The following LEMD1 variants were observed in gnomAD, a reference collection of about 807,000 sequenced individuals.
LEMD1 encodes the protein LEM domain-containing protein 1.
Under a neutral mutation model 17.4 loss-of-function variants are expected in LEMD1, and 18 were observed. The ratio of observed to expected loss-of-function variants is 1.04; its 90% CI spans 0.72 to 1.54. The LOEUF (loss-of-function observed/expected upper bound fraction) is 1.54. LEMD1 is among the 40% of genes most tolerant of loss of function. LEMD1 has a pLI of 0.00. For synonymous variants in LEMD1, 88 were observed against 77.8 expected, an observed-to-expected ratio of 1.13 and a Z score of -0.69; for missense variants, 195 against 210.4, an observed-to-expected ratio of 0.93 and a Z score of 0.45.
chr1:205,388,153 T>C (rs1664130697), intron 4 of LEMD1, among the ~76,000 whole-genome samples: 1 of 152,060 alleles, frequency 6.6e-6, no homozygotes, highest in South Asian at 2.1e-4. Context: ...GTTCTGAACA[T>C]CTATTATCTT....
At chr1:205,424,494 A>T (rs1163760479), upstream of LEMD1, among the ~76,000 whole-genome samples, 3 of 152,178 alleles carry the variant, frequency 2.0e-5, no homozygotes, top group Admixed American at 6.5e-5. Flanking sequence ...GGTAGAGGAG[A>T]CTACAAAGAT....
intron 4 of LEMD1, among the ~76,000 whole-genome samples, chr1:205,414,496 C>T (rs1665601979): frequency 6.6e-6 from 1 of 151,800 alleles, no homozygotes; most frequent in African/African-American, 2.4e-5. Flanking sequence ...GTGATCATGG[C>T]TCACTGCAGC....
intron 4 of LEMD1, among the ~76,000 whole-genome samples, chr1:205,394,377 T>G (rs1664489226): frequency 6.6e-6 from 1 of 152,002 alleles, no homozygotes; most frequent in African/African-American, 2.4e-5. Flanking sequence ...TTTAATTAAT[T>G]AATTAATTAA....
chr1:205,429,780 TG>T (rs1466044871), intron 1 of LEMD1, among the ~76,000 whole-genome samples: 2 of 146,758 alleles, frequency 1.4e-5, no homozygotes, highest in African/African-American at 5.1e-5. Flanking sequence ...ATTTTGATGT[TG>T]GGGGGTGGGG....
In LEMD1 at chr1:205,448,039, A is replaced by C. The variant is rs998808560; in HGVS notation, c.-39+1829T>G. Among the ~76,000 whole-genome samples the C allele has an allele frequency of 7.9e-5, 12 of 152,102 alleles. No homozygotes were observed. Among genetic ancestry groups the C allele is most frequent in the African/African-American group, 2.9e-4 (12 of 41,402 alleles). On this transcript the variant is annotated intron_variant, in intron 1 of 3. Transcript: ENST00000367154. This position sits in a 1 kb window ranked among gnomAD's most constrained non-coding sequence, Gnocchi z 4.7. ...TAATTTGGCAAGGGGGAAGGAACCG[A>C]CTCAGAAAGCTCAGCACACCCTGAA...
intron 1 of LEMD1, among the ~76,000 whole-genome samples, chr1:205,429,890 C>A (rs1044645777): frequency 1.3e-5 from 2 of 152,094 alleles, no homozygotes; most frequent in African/African-American, 4.8e-5. Flanking sequence ...TGTCACCCAG[C>A]GAGGGCAGCC....
chr1:205,444,938 G>T (rs545974588), intron 1 of LEMD1, among the ~76,000 whole-genome samples: 1 of 150,884 alleles, frequency 6.6e-6, no homozygotes, highest in African/African-American at 2.5e-5. Context: ...ACCCAGTAAG[G>T]AGGGTGTGCC....
At chr1:205,440,581 G>A (rs889179266) in intron 1 of LEMD1, 1 of 152,286 alleles carries the variant, frequency 6.6e-6, no homozygotes, top group Non-Finnish European at 1.5e-5. Flanking sequence ...ACCCTGAGAA[G>A]AGTCCCCCGA....
intron 1 of LEMD1, chr1:205,437,181 G>C (rs1256533347): frequency 2.0e-5 from 3 of 152,530 alleles, no homozygotes; most frequent in South Asian, 4.1e-4. Flanking sequence ...AGGTGGGGTG[G>C]TTTGATCAGC....
chr1:205,439,598 C>T (rs1404758551), intron 1 of LEMD1, among the ~76,000 whole-genome samples: 11 of 152,220 alleles, frequency 7.2e-5, no homozygotes, highest in Non-Finnish European at 1.6e-4. Flanking sequence ...GGAGCCCTGA[C>T]TCTCCTATCT....
intron 4 of LEMD1, among the ~76,000 whole-genome samples, chr1:205,406,305 A>C (rs1212027500): frequency 2.0e-5 from 3 of 152,242 alleles, no homozygotes; most frequent in Non-Finnish European, 4.4e-5. Context: ...CCCTGCCCCC[A>C]GAGGTGGAGC....
chr1:205,428,738 A>T (rs2102451964), intron 1 of LEMD1, among the ~76,000 whole-genome samples: 1 of 152,314 alleles, frequency 6.6e-6, no homozygotes, highest in South Asian at 2.1e-4. Flanking sequence ...TGGAGAGCAA[A>T]GTGACAAAAG....
At chr1:205,415,097 C>T (rs751574695) in intron 4 of LEMD1, among the ~76,000 whole-genome samples, 60 of 152,008 alleles carry the variant, frequency 3.9e-4, no homozygotes, top group Non-Finnish European at 5.6e-4. Context: ...AAACCCAGGC[C>T]GCAGATGCAG....
At chr1:205,434,552 C>A (rs1203034342) in intron 1 of LEMD1, among the ~76,000 whole-genome samples, 2 of 151,960 alleles carry the variant, frequency 1.3e-5, no homozygotes, top group African/African-American at 4.8e-5. Context: ...CTTCCCTGTT[C>A]CCCACACCCA....
chr1:205,406,143 G>T lies in LEMD1; in HGVS notation c.270+10089C>A, dbSNP rs1385593322. 2.0e-5 allele frequency among the ~76,000 whole-genome samples: 3 copies of T among 152,204 alleles called. No homozygotes were observed. The South Asian group carries it at 6.2e-4, about 32-fold the overall frequency. On this transcript the variant is annotated intron_variant, in intron 4 of 5. Transcript: ENST00000367153. ...GGGGTGCCTCCCAGTTAGGCTGCTC[G>T]GGGGTCAGGGGTCAGGGACCCACTT...
At chr1:205,432,938 G>A (rs986646675) in intron 1 of LEMD1, among the ~76,000 whole-genome samples, 2 of 152,170 alleles carry the variant, frequency 1.3e-5, no homozygotes, top group African/African-American at 4.8e-5. Context: ...TTGAGCCTGG[G>A]AGGTTGAGGC....
chr1:205,441,350 T>C lies in LEMD1; in HGVS notation c.-39+8518A>G, dbSNP rs1465604299. ...GAATGCCCAGCTGCTGCCTCCTTTT[T>C]TCCCCTCCCACCCGCTCTGCCCCAC... On this transcript the variant is annotated intron_variant, in intron 1 of 3. Transcript: ENST00000367154. This position sits in a 1 kb window ranked among gnomAD's most constrained non-coding sequence, Gnocchi z 4.3. 6.6e-6 allele frequency among the ~76,000 whole-genome samples: 1 copy of C among 152,120 alleles called. No individual in the cohort carries two copies. The highest frequency in any genetic ancestry group is 1.5e-5 in the Non-Finnish European group (1 of 68,004).
chr1:205,443,518 C>G (rs1377016941), intron 1 of LEMD1, among the ~76,000 whole-genome samples: 2 of 152,108 alleles, frequency 1.3e-5, no homozygotes, highest in African/African-American at 4.8e-5. Flanking sequence ...ATGAAGCTGG[C>G]CAGGAGCTGG....
At chr1:205,398,850 C>T (rs769681716) in intron 4 of LEMD1, among the ~76,000 whole-genome samples, 13 of 152,070 alleles carry the variant, frequency 8.5e-5, no homozygotes, top group Admixed American at 6.6e-4. Flanking sequence ...TCCGTGGTCA[C>T]GGACATAGTT....
Sources: gnomAD v4.1 joint callset for allele counts (sites outside exome capture counted in the v4.1 genomes callset) on GRCh38, gnomAD v4.1.1 for gene constraint, Gnocchi (gnomAD v3.1) non-coding constraint, MANE v1.5 for transcripts, NCBI Gene and HGNC (gene_info 2026-07-23, HGNC 2026-07-21) for gene names.